The following PKD2 variants were observed in gnomAD, a reference collection of about 807,000 sequenced individuals.
PKD2 encodes polycystin-2.
In PKD2, 48 loss-of-function variants were observed where a neutral mutation model predicts 105.9. The ratio of observed to expected loss-of-function variants is 0.45; its 90% CI spans 0.36 to 0.58. The LOEUF (loss-of-function observed/expected upper bound fraction) is 0.58, where lower values mean the gene tolerates loss of function less well. Among genes scored for constraint, PKD2 ranks in the 20% least tolerant of loss-of-function variants. PKD2 has a pLI of 0.00. For missense variants in PKD2, 1,078 were observed against 1,255.3 expected, an observed-to-expected ratio of 0.86 and a Z score of 2.13; for synonymous variants, 464 against 481.1, an observed-to-expected ratio of 0.96 and a Z score of 0.46.
chr4:88,057,844 A>G (rs1720421391), intron 8 of PKD2, 139 bp from the exon 9 acceptor site: 2 of 710,994 alleles, frequency 2.8e-6, no homozygotes, highest in Non-Finnish European at 5.1e-6. Flanking sequence ...TGTAAATGGG[A>G]TTGACAATTT....
chr4:88,029,575 G>A (rs527259530), intron 2 of PKD2, among the ~76,000 whole-genome samples: 28 of 151,702 alleles, frequency 1.8e-4, no homozygotes, highest in Admixed American at 7.9e-4. Context: ...CTCATCAGAG[G>A]CTCTCTAATC....
At chr4:88,050,939 C>G (rs572595220) in intron 6 of PKD2, among the ~76,000 whole-genome samples, 15 of 152,242 alleles carry the variant, frequency 9.9e-5, no homozygotes, top group Middle Eastern at 3.4e-3. Context: ...GAAGGGAGGG[C>G]TAATGAAGTG....
intron 9 of PKD2, 61 bp from the exon 10 acceptor site, chr4:88,061,841 TTTGA>T (rs1466387370): frequency 7.3e-6 from 6 of 821,918 alleles, no homozygotes; most frequent in Non-Finnish European, 1.1e-5. Context: ...GTGTCATTTT[TTTGA>T]TTGATAATTC....
At position 88,036,348 on chromosome 4, in the gene PKD2, T is replaced by A; in HGVS notation, c.838T>A (p.Trp280Arg). 1 of 1,612,632 alleles carries A rather than the reference T, an allele frequency of 6.2e-7. No homozygotes were observed. The highest frequency in any genetic ancestry group is 8.5e-7 in the Non-Finnish European group (1 of 1,178,592). Residue 280 changes from tryptophan to arginine, a missense_variant, in exon 3 of 15, where the codon TGG becomes AGG. Around this residue, in one of 2 missense-constraint regions of PKD2, gnomAD observed 868 missense variants for 1,067.3 expected, o/e 0.81. Transcript: ENST00000237596. ...FKTLSSMEDF[W>R]KFTEGSLLDG... ...AACTCTGTCTTCCATGGAAGACTTC[T>A]GGAAGGTATTTGCAAATAACTTTGA...
intron 9 of PKD2, among the ~76,000 whole-genome samples, chr4:88,061,366 A>G (rs901687854): frequency 6.6e-6 from 1 of 152,202 alleles, no homozygotes. Context: ...TTCACAAAGT[A>G]TATCATAAAA....
chr4:88,008,019 G>A lies in PKD2; in HGVS notation c.286G>A (p.Ala96Thr), dbSNP rs779595212. The change falls in exon 1 of 15, where the codon GCC (alanine) becomes ACC (threonine). Residue 96 changes from alanine to threonine, a missense_variant. Physicochemically the swap from Ala to Thr is moderately conservative, Grantham distance 58 (BLOSUM62 0). Transcript: ENST00000237596. ...AWSRDNPGFE[A>T]EEEEEEVEGE... ...GAGCCGCGATAACCCCGGCTTCGAG[G>A]CCGAGGAGGAGGAGGAGGAGGTGGA... 1 of 1,521,936 alleles carries A rather than the reference G, an allele frequency of 6.6e-7. No homozygotes were observed. Among genetic ancestry groups the A allele is most frequent in the South Asian group, 1.2e-5 (1 of 82,566 alleles). The allele number at this position is 1,521,936 out of a possible 1,614,324, so 94.3% of individuals were successfully genotyped here.
At position 88,074,808 on chromosome 4, in the gene PKD2, G is replaced by A. The variant is rs1560632910; in HGVS notation, c.2523-4G>A. 6.2e-7 allele frequency: 1 copy of A among 1,614,002 alleles called. No individual in the cohort carries two copies. Among genetic ancestry groups the A allele is most frequent in the Admixed American group, 1.7e-5 (1 of 60,016 alleles). On this transcript the variant is annotated splice_region_variant and splice_polypyrimidine_tract_variant and intron_variant, in intron 13 of 14. Coordinates refer to ENST00000237596, the MANE Select transcript of PKD2 (RefSeq NM_000297.4). ...TGTCCCTCTGTACTGTGTTTTCCTT[G>A]CAGCCTGGTGAGACGAGTGGACCGG...
intron 1 of PKD2, among the ~76,000 whole-genome samples, chr4:88,011,692 T>C (rs927875668): frequency 3.9e-5 from 6 of 152,126 alleles, no homozygotes; most frequent in Non-Finnish European, 7.4e-5. Context: ...TTGGAAAGGT[T>C]ATTGAGACTT....
In PKD2 at chr4:88,076,883, A is replaced by G. The variant is rs1187167730; in HGVS notation, c.*1189A>G. ...ATTCTTGATCCTGTGTTTCAAAACTAGAATTTGTAATGCAAATGGAGCTCA... is the reference window on the plus strand; with the variant it reads ...ATTCTTGATCCTGTGTTTCAAAACTGGAATTTGTAATGCAAATGGAGCTCA... On this transcript the variant is annotated 3_prime_UTR_variant, in exon 15 of 15. Coordinates refer to ENST00000237596, the MANE Select transcript of PKD2 (RefSeq NM_000297.4). 6.6e-6 allele frequency: 1 copy of G among 152,216 alleles called. No homozygotes were observed. Among genetic ancestry groups the G allele is most frequent in the Non-Finnish European group, 1.5e-5 (1 of 68,048 alleles). The allele number at this position is 152,216 out of a possible 1,614,324, so 9.4% of individuals were successfully genotyped here.
At chr4:88,020,397 C>T (rs10516801) in intron 2 of PKD2, among the ~76,000 whole-genome samples, 60,173 of 151,914 alleles carry the variant, frequency 0.4, 12,604 homozygotes, top group African/African-American at 0.54. Flanking sequence ...TTTTACTCCA[C>T]AAGAAACTTG....
chr4:88,053,398 TGC>T (rs1447231645), intron 7 of PKD2, among the ~76,000 whole-genome samples: 4 of 152,162 alleles, frequency 2.6e-5, no homozygotes, highest in Admixed American at 1.3e-4. Flanking sequence ...CAGTGGCTCA[TGC>T]CTGTAATTCC....
chr4:88,028,319 G>A, intron 2 of PKD2, among the ~76,000 whole-genome samples: 1 of 152,206 alleles, frequency 6.6e-6, no homozygotes, highest in East Asian at 1.9e-4. Flanking sequence ...TGAAGTAAAG[G>A]TCAGTGAGTT....
At chr4:88,068,227 T>C (rs930989573) in intron 13 of PKD2, among the ~76,000 whole-genome samples, 166 bp downstream of exon 13, 4 of 152,158 alleles carry the variant, frequency 2.6e-5, no homozygotes, top group African/African-American at 9.7e-5. Context: ...TCCCACCACT[T>C]TGGGAGGCCA....
chr4:88,073,208 G>T (rs565896664), intron 13 of PKD2, among the ~76,000 whole-genome samples: 4 of 148,688 alleles, frequency 2.7e-5, no homozygotes, highest in Non-Finnish European at 4.5e-5. Context: ...AAAAAAAAAG[G>T]TGTAAAAAAC....
intron 1 of PKD2, among the ~76,000 whole-genome samples, chr4:88,018,187 C>T (rs373703479): frequency 1.4e-4 from 21 of 152,164 alleles, no homozygotes; most frequent in Admixed American, 3.9e-4. Context: ...GCTGGTGAAA[C>T]GTATGATGCG....
chr4:88,074,986 G>T (rs113117728), intron 14 of PKD2, 27 bp downstream of exon 14: 1 of 1,608,302 alleles, frequency 6.2e-7, no homozygotes. Flanking sequence ...TGAAAACACC[G>T]CTGCTGAGCA....
chr4:88,020,427 G>A (rs1441407665), intron 2 of PKD2, among the ~76,000 whole-genome samples: 4 of 151,880 alleles, frequency 2.6e-5, no homozygotes, highest in African/African-American at 4.8e-5. Context: ...CATCTCTTTC[G>A]TCTTCTTTCC....
Position 88,007,707 on chromosome 4 carries a change from C to T in PKD2, c.-27C>T, listed in dbSNP as rs769289594. Reference sequence around the variant, plus strand: ...ACAGCGCCGAGCGCGGCGCCGCGCACCCGCGCGCCGGACGCCAGTGACCGC... The same window carrying T: ...ACAGCGCCGAGCGCGGCGCCGCGCATCCGCGCGCCGGACGCCAGTGACCGC... On this transcript the variant is annotated 5_prime_UTR_variant, in exon 1 of 15. Coordinates refer to ENST00000237596, the MANE Select transcript of PKD2 (RefSeq NM_000297.4). The T allele has an allele frequency of 4.2e-6, 5 of 1,178,202 alleles. No homozygotes were observed. The highest frequency in any genetic ancestry group is 4.8e-5 in the South Asian group (2 of 41,328). The allele number at this position is 1,178,202 out of a possible 1,614,324, so 73.0% of individuals were successfully genotyped here.
rs6826666 is a variant in PKD2 at position 88,041,890 on chromosome 4, A to G, written c.1095-1343A>G. Among the ~76,000 whole-genome samples the G allele has an allele frequency of 9.0e-3, 1,365 of 151,942 alleles. 13 individuals are homozygous for G. Among genetic ancestry groups the G allele is most frequent in the African/African-American group, 0.031 (1,264 of 41,414 alleles). On this transcript the variant is annotated intron_variant, in intron 4 of 14. Transcript: ENST00000237596. ...AGGCCATCTCAGGCCTGCTGTGTTA[A>G]CTCTTTTCTGCACATGAGCCCTCTG...
Sources: allele counts gnomAD v4.1 joint callset (sites outside exome capture counted in the v4.1 genomes callset), GRCh38; gene constraint gnomAD v4.1.1; regional missense constraint gnomAD v4.1.1; transcripts MANE v1.5; gene names NCBI Gene and HGNC (gene_info 2026-07-23, HGNC 2026-07-21).